Variants in DRC8 observed in about 807,000 individuals in gnomAD.
DRC8 encodes dynein regulatory complex protein 8.
At chr1:245,015,910 C>T in the DRC8 span, among the ~76,000 whole-genome samples, 3 of 147,904 alleles carry the variant, frequency 2.0e-5, no homozygotes, top group African/African-American at 5.0e-5. Context: ...AACCCTTCAG[C>T]GGCTTCTCAT....
chr1:245,082,501 T>C, the DRC8 span, among the ~76,000 whole-genome samples: 1 of 152,238 alleles, frequency 6.6e-6, no homozygotes, highest in African/African-American at 2.4e-5. Context: ...CTTACCATAG[T>C]TGGTTCATCA....
the DRC8 span, among the ~76,000 whole-genome samples, chr1:245,095,582 T>G: frequency 6.6e-6 from 1 of 152,108 alleles, no homozygotes; most frequent in African/African-American, 2.4e-5. Context: ...CTGGCTGGAG[T>G]GCAGAGGCAC....
chr1:245,093,656 A>G, the DRC8 span, among the ~76,000 whole-genome samples: 1 of 151,182 alleles, frequency 6.6e-6, no homozygotes, highest in Non-Finnish European at 1.5e-5. Context: ...AGATGGTGCC[A>G]CTGCACTCCA....
the DRC8 span, among the ~76,000 whole-genome samples, chr1:245,023,286 A>G: frequency 6.6e-6 from 1 of 152,120 alleles, no homozygotes; most frequent in African/African-American, 2.4e-5. Context: ...ATTGATGGAC[A>G]TTTGGGTTGT....
chr1:244,979,584 G>T, the DRC8 span, among the ~76,000 whole-genome samples: 4 of 151,812 alleles, frequency 2.6e-5, no homozygotes, highest in Admixed American at 1.3e-4. Context: ...AGGATTACAG[G>T]TGTGAGCCAC....
chr1:245,059,762 G>A, the DRC8 span, among the ~76,000 whole-genome samples: 62,538 of 152,034 alleles, frequency 0.41, 13,334 homozygotes, highest in Non-Finnish European at 0.48. Context: ...CTGACCGTAT[G>A]CAGAAAGGCT....
At chr1:245,057,702 T>C in the DRC8 span, among the ~76,000 whole-genome samples, 3 of 151,946 alleles carry the variant, frequency 2.0e-5, no homozygotes, top group Non-Finnish European at 4.4e-5. Flanking sequence ...ATGAGGTCCG[T>C]GGGCTATTTT....
chr1:245,010,992 T>C, the DRC8 span, among the ~76,000 whole-genome samples: 394 of 152,214 alleles, frequency 2.6e-3, 7 homozygotes, highest in Middle Eastern at 0.017. Context: ...TGAGTATCCC[T>C]TTTTCAAAAT....
At chr1:244,983,739 C>CAAAAA in the DRC8 span, among the ~76,000 whole-genome samples, 16 of 100,948 alleles carry the variant, frequency 1.6e-4, no homozygotes, top group South Asian at 3.6e-4. Flanking sequence ...GACTCTGTCT[C>CAAAAA]AAAAAAAAAA....
chr1:245,078,427 C>T, the DRC8 span, among the ~76,000 whole-genome samples: 53,658 of 141,966 alleles, frequency 0.38, 9,758 homozygotes, highest in Middle Eastern at 0.44. Flanking sequence ...ATGGAAACAA[C>T]GTGTCTATAA....
chr1:245,083,201 C>T, the DRC8 span, among the ~76,000 whole-genome samples: 1 of 152,068 alleles, frequency 6.6e-6, no homozygotes, highest in African/African-American at 2.4e-5. Flanking sequence ...GAATGCGAAC[C>T]CTATTGTGAA....
chr1:245,021,033 A>G, the DRC8 span, among the ~76,000 whole-genome samples: 14 of 152,322 alleles, frequency 9.2e-5, no homozygotes, highest in African/African-American at 3.1e-4. Flanking sequence ...GCCAGGTGTT[A>G]CATATTTACA....
At chr1:245,039,150 G>A in the DRC8 span, among the ~76,000 whole-genome samples, 1 of 147,904 alleles carries the variant, frequency 6.8e-6, no homozygotes, top group East Asian at 2.0e-4. Context: ...GTGTCCAAAC[G>A]AATGAATGGA....
At chr1:245,039,823 C>T in the DRC8 span, among the ~76,000 whole-genome samples, 11 of 152,184 alleles carry the variant, frequency 7.2e-5, no homozygotes, top group East Asian at 3.9e-4. Context: ...ATATTTTTGG[C>T]GAGAATACTA....
At chr1:245,007,682 A>T in the DRC8 span, among the ~76,000 whole-genome samples, 1 of 152,166 alleles carries the variant, frequency 6.6e-6, no homozygotes, top group Non-Finnish European at 1.5e-5. Context: ...CCTTCATTAG[A>T]GAAGCTGGCA....
At chr1:244,975,211 T>C in the DRC8 span, among the ~76,000 whole-genome samples, 1 of 152,108 alleles carries the variant, frequency 6.6e-6, no homozygotes, top group Non-Finnish European at 1.5e-5. Context: ...ATTACAGGCG[T>C]GAGCCACCAC....
the DRC8 span, among the ~76,000 whole-genome samples, chr1:244,979,044 C>T: frequency 0.015 from 2,224 of 152,128 alleles, 46 homozygotes; most frequent in African/African-American, 0.05. Flanking sequence ...TCACCTGATT[C>T]ACACACACCC....
At chr1:245,055,112 G>A in the DRC8 span, among the ~76,000 whole-genome samples, 2 of 152,132 alleles carry the variant, frequency 1.3e-5, no homozygotes, top group Non-Finnish European at 2.9e-5. Flanking sequence ...AAGCAAGCCT[G>A]CTCTTTGGCC....
the DRC8 span, among the ~76,000 whole-genome samples, chr1:245,042,072 G>A: frequency 7.9e-5 from 12 of 152,208 alleles, no homozygotes; most frequent in Non-Finnish European, 1.6e-4. Flanking sequence ...CCTAAAATTC[G>A]CTTAGATTTA....
Sources: allele counts gnomAD v4.1 joint callset (sites outside exome capture counted in the v4.1 genomes callset), GRCh38; gene constraint gnomAD v4.1.1; transcripts MANE v1.5; gene names NCBI Gene and HGNC (gene_info 2026-07-23, HGNC 2026-07-21).